GLIS3: variants seen among roughly 807,000 people sequenced by gnomAD.
The protein encoded by GLIS3 is GLIS family zinc finger 3, also known as zinc finger protein GLIS3.
GLIS3 carries 53 observed loss-of-function variants against 78.6 expected under a neutral mutation model. The ratio of observed to expected loss-of-function variants is 0.67; its 90% CI spans 0.54 to 0.85. The LOEUF (loss-of-function observed/expected upper bound fraction) is 0.85, where lower values mean the gene tolerates loss of function less well. GLIS3 is among the 40% of genes least tolerant of loss of function. The pLI is 0.00. For synonymous variants in GLIS3, 684 were observed against 509.9 expected, an observed-to-expected ratio of 1.34 and a Z score of -4.60; for missense variants, 1,703 against 1,231.1, an observed-to-expected ratio of 1.38 and a Z score of -5.74.
At chr9:4,368,467 C>T in the GLIS3 span, among the ~76,000 whole-genome samples, 1 of 152,028 alleles carries the variant, frequency 6.6e-6, no homozygotes, top group Non-Finnish European at 1.5e-5. Context: ...GCCTCAGCCT[C>T]CCAAGTAGCC....
chr9:4,236,520 T>C (rs1822767761), intron 2 of GLIS3, among the ~76,000 whole-genome samples: 2 of 152,198 alleles, frequency 1.3e-5, no homozygotes, highest in Admixed American at 6.5e-5. Context: ...TTTGCAAATA[T>C]TGGCTGTAAC....
intron 6 of GLIS3, among the ~76,000 whole-genome samples, chr9:3,913,167 T>C (rs1447757496): frequency 6.6e-6 from 1 of 152,222 alleles, no homozygotes; most frequent in Non-Finnish European, 1.5e-5. Flanking sequence ...AGTCAGTGGA[T>C]CTCATTTTCT....
At chr9:4,401,567 C>A in the GLIS3 span, among the ~76,000 whole-genome samples, 2 of 129,572 alleles carry the variant, frequency 1.5e-5, no homozygotes, top group African/African-American at 3.1e-5. Flanking sequence ...CCTGTCCTTT[C>A]TTTCTTTTTT....
At chr9:4,345,881 C>G (rs533727872) in intron 2 of GLIS3, among the ~76,000 whole-genome samples, 2 of 152,156 alleles carry the variant, frequency 1.3e-5, no homozygotes, top group African/African-American at 4.8e-5. Flanking sequence ...TTTTAAGCAT[C>G]AGAGCACAAT....
In GLIS3 at chr9:4,064,850, C is replaced by T. The variant is rs147994675; in HGVS notation, c.1710+52918G>A. Among the ~76,000 whole-genome samples, 1,285 of 152,240 alleles carry T rather than the reference C, an allele frequency of 8.4e-3. 13 individuals are homozygous for T. The highest frequency in any genetic ancestry group is 0.012 in the Non-Finnish European group (792 of 68,014). On this transcript the variant is annotated intron_variant, in intron 4 of 10. Transcript: ENST00000381971. ...AAATTGAGGACTAATTCGGAAGGAA[C>T]AAAATAGCAAGAGAGCATGTTAACT...
chr9:3,960,015 G>C (rs1817440103), intron 4 of GLIS3, among the ~76,000 whole-genome samples: 1 of 152,188 alleles, frequency 6.6e-6, no homozygotes, highest in Admixed American at 6.5e-5. Flanking sequence ...AGCCAGGCAT[G>C]GTGGTGTGCA....
At chr9:4,123,802 C>G (rs1832367406) in intron 3 of GLIS3, 2 of 398,166 alleles carry the variant, frequency 5.0e-6, no homozygotes, top group African/African-American at 4.1e-5. Context: ...TTCAGGATGA[C>G]TGTCATTTAG....
intron 1 of GLIS3, among the ~76,000 whole-genome samples, chr9:4,297,775 C>G (rs1028071545): frequency 2.0e-5 from 3 of 152,208 alleles, no homozygotes; most frequent in Non-Finnish European, 4.4e-5. Context: ...GCAGTGGTCT[C>G]AGTCCTCGAG....
intron 4 of GLIS3, among the ~76,000 whole-genome samples, chr9:4,037,790 G>A (rs183512546): frequency 5.9e-5 from 9 of 152,268 alleles, no homozygotes; most frequent in African/African-American, 2.2e-4. Context: ...ATCTCTCCAA[G>A]AGTTGCTTAT....
chr9:4,227,061 C>T (rs766266086), intron 2 of GLIS3, among the ~76,000 whole-genome samples: 2 of 152,066 alleles, frequency 1.3e-5, no homozygotes, highest in African/African-American at 2.4e-5. Flanking sequence ...GTGCAGGGAG[C>T]GGTCTGTGGA....
At chr9:3,980,540 T>G (rs1380114479) in intron 4 of GLIS3, among the ~76,000 whole-genome samples, 3 of 152,236 alleles carry the variant, frequency 2.0e-5, no homozygotes, top group African/African-American at 7.2e-5. Flanking sequence ...ATGACCTTGC[T>G]GTGTGTTTAG....
At chr9:4,152,554 G>C (rs959608682) in intron 2 of GLIS3, among the ~76,000 whole-genome samples, 4 of 152,078 alleles carry the variant, frequency 2.6e-5, no homozygotes, top group African/African-American at 9.7e-5. Context: ...TAAAATGCAG[G>C]TGAGTAATTA....
chr9:4,205,544 A>C (rs893681079), intron 2 of GLIS3, among the ~76,000 whole-genome samples: 1 of 152,196 alleles, frequency 6.6e-6, no homozygotes, highest in Non-Finnish European at 1.5e-5. Context: ...GCCTAGTGCT[A>C]TAAGAGAGGA....
At chr9:3,987,226 C>A (rs985488270) in intron 4 of GLIS3, among the ~76,000 whole-genome samples, 15 of 151,784 alleles carry the variant, frequency 9.9e-5, no homozygotes, top group Middle Eastern at 3.2e-3. Context: ...TGAGAGAGGA[C>A]AAAATTAGTG....
At chr9:4,395,757 ATTTTCTT>A in the GLIS3 span, among the ~76,000 whole-genome samples, 5,687 of 145,548 alleles carry the variant, frequency 0.039, 363 homozygotes, top group African/African-American at 0.13. Context: ...ATTGGTCACC[ATTTTCTT>A]TTTTCTTTTT....
the GLIS3 span, among the ~76,000 whole-genome samples, chr9:4,389,644 T>G: frequency 6.6e-6 from 1 of 152,180 alleles, no homozygotes; most frequent in Non-Finnish European, 1.5e-5. Context: ...GTATGCTAAC[T>G]TCTGCCCAAG....
In GLIS3 at chr9:4,127,035, A is replaced by G. The variant is rs143105234; in HGVS notation, c.389-1094T>C. 7.2e-5 allele frequency among the ~76,000 whole-genome samples: 11 copies of G among 152,270 alleles called. No individual in the cohort carries two copies. In the East Asian group the frequency reaches 1.9e-3, roughly 27 times the overall value. ...TCAATAGCCCAAAAGTGCCTTTGTC[A>G]TCTTTTGTAACATTCTTCCCAAGAG... On this transcript the variant is annotated intron_variant, in intron 2 of 10. Transcript: ENST00000381971.
chr9:4,087,168 T>C (rs1829102952), intron 4 of GLIS3, among the ~76,000 whole-genome samples: 1 of 152,154 alleles, frequency 6.6e-6, no homozygotes, highest in Non-Finnish European at 1.5e-5. Flanking sequence ...AAAATATTAC[T>C]AATAAGTAAT....
intron 7 of GLIS3, among the ~76,000 whole-genome samples, chr9:3,886,154 C>G (rs568187094): frequency 1.1e-3 from 163 of 152,214 alleles, no homozygotes; most frequent in African/African-American, 3.8e-3. Flanking sequence ...TGGTAAATCT[C>G]GAATAAAGTA....
Sources: allele counts gnomAD v4.1 joint callset (sites outside exome capture counted in the v4.1 genomes callset), GRCh38; gene constraint gnomAD v4.1.1; transcripts MANE v1.5; gene names NCBI Gene and HGNC (gene_info 2026-07-23, HGNC 2026-07-21).